TSHZ2: variants seen among roughly 807,000 people sequenced by gnomAD.
TSHZ2 encodes the protein teashirt homolog 2.
A neutral mutation model predicts 74.4 loss-of-function variants in TSHZ2; 21 were observed. The observed-to-expected ratio is 0.28, with a 90% CI of 0.20 to 0.41. TSHZ2 has a LOEUF of 0.41. TSHZ2 is among the 10% of genes least tolerant of loss of function. The pLI, the probability that TSHZ2 is intolerant of heterozygous loss-of-function variation, is 1.00. For missense variants in TSHZ2, 1,244 were observed against 1,293.5 expected, an observed-to-expected ratio of 0.96 and a Z score of 0.59; for synonymous variants, 540 against 515.3, an observed-to-expected ratio of 1.05 and a Z score of -0.65.
At chr20:53,025,404 A>G (rs1348096456) in intron 1 of TSHZ2, among the ~76,000 whole-genome samples, 7 of 152,238 alleles carry the variant, frequency 4.6e-5, no homozygotes, top group Non-Finnish European at 1.0e-4. Context: ...TAGCTGAGAT[A>G]TAACACAAAA....
rs188986086 is a variant in TSHZ2, at chr20:53,210,831, G to C, written c.41-42668G>C. Reference sequence around the variant, plus strand: ...AATTAAAAAGTGTGTGCATATCCGTGTGTGTGTCCACACAAAATCTCTTAA... The same window carrying C: ...AATTAAAAAGTGTGTGCATATCCGTCTGTGTGTCCACACAAAATCTCTTAA... On this transcript the variant is annotated intron_variant, in intron 1 of 2. Transcript: ENST00000371497. Among the ~76,000 whole-genome samples, 395 of 152,156 alleles carry C rather than the reference G, an allele frequency of 2.6e-3. 2 individuals are homozygous for C. The highest frequency in any genetic ancestry group is 9.1e-3 in the African/African-American group (377 of 41,530).
intron 1 of TSHZ2, among the ~76,000 whole-genome samples, chr20:53,239,178 G>A (rs991426573): frequency 5.3e-5 from 8 of 152,122 alleles, no homozygotes; most frequent in Admixed American, 1.3e-4. Flanking sequence ...TCTCCCAGTT[G>A]TGACAATCAA....
intron 1 of TSHZ2, among the ~76,000 whole-genome samples, chr20:53,104,725 T>C (rs186591475): frequency 6.6e-6 from 1 of 152,264 alleles, no homozygotes; most frequent in Admixed American, 6.5e-5. Flanking sequence ...AAACCAAGAA[T>C]GAAGGAATGC....
intron 2 of TSHZ2, among the ~76,000 whole-genome samples, chr20:53,347,636 T>G (rs1600823020): frequency 3.1e-5 from 1 of 31,830 alleles, no homozygotes. Context: ...CTTTTTTACT[T>G]TTTTTTTTTC....
rs779028487 is a variant in TSHZ2, at chr20:53,104,172, G to A, written c.40+130839G>A. On this transcript the variant is annotated intron_variant, in intron 1 of 2. Transcript: ENST00000371497. The stretch of plus-strand genomic sequence containing the variant: ...ACATTGACCACTGGGCACGCGTGCT[G>A]TGAATTCTGCATGCCTCAAGTCACC... Among the ~76,000 whole-genome samples, 6 of 150,646 alleles carry A rather than the reference G, an allele frequency of 4.0e-5. No homozygotes were observed. In the South Asian group the frequency reaches 8.4e-4, roughly 21 times the overall value.
At chr20:53,145,709 C>T (rs1304540489) in intron 1 of TSHZ2, among the ~76,000 whole-genome samples, 3 of 152,146 alleles carry the variant, frequency 2.0e-5, no homozygotes, top group African/African-American at 7.2e-5. Flanking sequence ...GCATTATTCT[C>T]CAGCATTTCC....
chr20:52,979,051 G>A (rs1208875272), intron 1 of TSHZ2, among the ~76,000 whole-genome samples: 1 of 152,070 alleles, frequency 6.6e-6, no homozygotes, highest in South Asian at 2.1e-4. Flanking sequence ...ATTATAGGAG[G>A]AAGTTAGTCA....
intron 1 of TSHZ2, among the ~76,000 whole-genome samples, chr20:53,199,630 C>G (rs1206449808): frequency 6.6e-6 from 1 of 152,184 alleles, no homozygotes; most frequent in African/African-American, 2.4e-5. Flanking sequence ...TCTCTGACAT[C>G]TAGGGGCTCA....
chr20:53,408,233 C>T (rs1383342496), intron 2 of TSHZ2, among the ~76,000 whole-genome samples: 1 of 152,176 alleles, frequency 6.6e-6, no homozygotes, highest in African/African-American at 2.4e-5. Flanking sequence ...GGAGTCTGAG[C>T]CCTTTGAGGA....
chr20:53,403,029 A>G (rs1982724780), intron 2 of TSHZ2, among the ~76,000 whole-genome samples: 1 of 152,170 alleles, frequency 6.6e-6, no homozygotes. Context: ...CGCAGTACCC[A>G]ACAGGTAGTT....
chr20:53,367,651 A>T (rs6022423), intron 2 of TSHZ2, among the ~76,000 whole-genome samples: 30 of 151,872 alleles, frequency 2.0e-4, no homozygotes, highest in African/African-American at 7.2e-4. Flanking sequence ...GCTCACTGCA[A>T]GCTCCGCCTT....
intron 1 of TSHZ2, among the ~76,000 whole-genome samples, chr20:53,162,945 TTGAG>T (rs1297628687): frequency 6.6e-6 from 1 of 152,250 alleles, no homozygotes; most frequent in Non-Finnish European, 1.5e-5. Context: ...ATAACTTTTA[TTGAG>T]TGTTTCCATC....
At chr20:53,065,193 G>T (rs772744983) in intron 1 of TSHZ2, among the ~76,000 whole-genome samples, 1 of 152,208 alleles carries the variant, frequency 6.6e-6, no homozygotes, top group South Asian at 2.1e-4. Context: ...GATAATGCGT[G>T]AAGAGCTGTT....
chr20:53,489,574 C>T lies in TSHZ2; in HGVS notation c.*2439C>T, dbSNP rs891285588. The T allele has an allele frequency of 3.1e-5, 5 of 160,816 alleles. No homozygotes were observed. Among genetic ancestry groups the T allele is most frequent in the Non-Finnish European group, 6.8e-5 (5 of 73,210 alleles). 10.0% of individuals were successfully genotyped at this position (160,816 alleles called of 1,614,324 possible). A position where few individuals can be genotyped will look rare whatever the true frequency, so the allele number is the denominator to read the frequency against. On this transcript the variant is annotated 3_prime_UTR_variant, in exon 3 of 3. Transcript: ENST00000371497. ...AGGAGATCAATACAATTCCCAATTC[C>T]ATGGAAATTGTTTCCCTTCTAAGGA...
chr20:53,431,568 G>C (rs1457579324), intron 2 of TSHZ2, among the ~76,000 whole-genome samples: 1 of 152,122 alleles, frequency 6.6e-6, no homozygotes, highest in Non-Finnish European at 1.5e-5. Flanking sequence ...TATGGGACAG[G>C]TACTGTTTTA....
At chr20:53,375,761 T>C (rs1981636746) in intron 2 of TSHZ2, among the ~76,000 whole-genome samples, 1 of 152,182 alleles carries the variant, frequency 6.6e-6, no homozygotes, top group Admixed American at 6.5e-5. Context: ...CATTCTTGTG[T>C]GCATCAAAAT....
chr20:53,448,296 A>G (rs772762624), intron 2 of TSHZ2, among the ~76,000 whole-genome samples: 2 of 152,168 alleles, frequency 1.3e-5, no homozygotes, highest in Non-Finnish European at 2.9e-5. Flanking sequence ...GTAGGAAAAC[A>G]GGAGTTAAGG....
chr20:53,274,344 C>T (rs1990899082), intron 2 of TSHZ2, among the ~76,000 whole-genome samples: 1 of 152,168 alleles, frequency 6.6e-6, no homozygotes, highest in South Asian at 2.1e-4. Flanking sequence ...ACAAAAGGTC[C>T]CGCTGTGCTC....
At chr20:53,144,236 T>G (rs1377937882) in intron 1 of TSHZ2, among the ~76,000 whole-genome samples, 1 of 152,196 alleles carries the variant, frequency 6.6e-6, no homozygotes, top group East Asian at 1.9e-4. Context: ...AACCATAGTT[T>G]CTAACCTTGT....
Sources: allele counts gnomAD v4.1 joint callset (sites outside exome capture counted in the v4.1 genomes callset), GRCh38; gene constraint gnomAD v4.1.1; transcripts MANE v1.5; gene names NCBI Gene and HGNC (gene_info 2026-07-23, HGNC 2026-07-21).